MILR1: variants seen among roughly 807,000 people sequenced by gnomAD.
The protein encoded by MILR1 is mast cell immunoglobulin like receptor 1, also known as allergin-1.
MILR1 carries 31 observed loss-of-function variants against 18.5 expected under a neutral mutation model. The observed-to-expected ratio is 1.68, with a 90% CI of 1.26 to 2.26. The LOEUF (loss-of-function observed/expected upper bound fraction) is 2.26, where lower values mean the gene tolerates loss of function less well. Among genes scored for constraint, MILR1 ranks in the 30% most tolerant of loss-of-function variants. The probability of loss-of-function intolerance (pLI) is 0.00; values close to 1 mark genes in which losing one functional copy is unlikely to be tolerated. For synonymous variants in MILR1, 85 were observed against 56.2 expected (o/e 1.51, Z -2.30); for missense variants, 257 against 157.4 (o/e 1.63, Z -3.38).
At chr17:64,465,046 A>G (rs1319828883) in intron 5 of MILR1, among the ~76,000 whole-genome samples, 1 of 152,218 alleles carries the variant, frequency 6.6e-6, no homozygotes, top group East Asian at 1.9e-4. Flanking sequence ...CGAGATCACG[A>G]TAGTGCCACT....
At chr17:64,485,381 C>G in the MILR1 span, 1 of 294,370 alleles carries the variant, frequency 3.4e-6, no homozygotes, top group African/African-American at 2.3e-5. Context: ...GCACAGGTCT[C>G]CCTGATCCGG....
Position 64,468,445 on chromosome 17 carries a change from C to T in MILR1, c.*164C>T, listed in dbSNP as rs1432723840. ...CTGGGATTACAGGTGCCCGCTACCA[C>T]GCCCAGCTAATTTTTGTATTTTTAG... On this transcript the variant is annotated 3_prime_UTR_variant, in exon 10 of 10. Transcript: ENST00000619286. 8.0e-6 allele frequency: 3 copies of T among 374,086 alleles called. No homozygotes were observed. Among genetic ancestry groups the T allele is most frequent in the South Asian group, 2.0e-5 (1 of 48,888 alleles). 23.2% of individuals were successfully genotyped at this position (374,086 alleles called of 1,614,324 possible). A position where few individuals can be genotyped will look rare whatever the true frequency, so the allele number is the denominator to read the frequency against.
intron 4 of MILR1, among the ~76,000 whole-genome samples, chr17:64,458,156 CCCTTCCTTCCTTCCTTCCCT>C (rs2037343344): frequency 6.7e-6 from 1 of 149,374 alleles, no homozygotes; most frequent in Non-Finnish European, 1.5e-5. Context: ...GCCTTTCTTT[CCCTTCCTTCCTTCCTTCCCT>C]CCTTCCTTCC....
At chr17:64,490,876 T>C in the MILR1 span, 1 of 1,613,772 alleles carries the variant, frequency 6.2e-7, no homozygotes, top group South Asian at 1.1e-5. Context: ...ATTAACTCCT[T>C]TCCCCAGGGA....
At chr17:64,474,868 A>G in the MILR1 span, among the ~76,000 whole-genome samples, 1 of 151,880 alleles carries the variant, frequency 6.6e-6, no homozygotes. Context: ...TATTAGAAGG[A>G]AATTATCAAA....
the MILR1 span, chr17:64,478,079 T>G: frequency 1.5e-6 from 2 of 1,344,344 alleles, no homozygotes. Flanking sequence ...GTTCATGCAC[T>G]CTCAAGAGTC....
the MILR1 span, among the ~76,000 whole-genome samples, chr17:64,482,327 C>CTTT: frequency 1.6e-5 from 2 of 128,580 alleles, no homozygotes; most frequent in African/African-American, 5.8e-5. Context: ...AAATTAAAAA[C>CTTT]TTTTTTTTTT....
At chr17:64,478,891 T>C in the MILR1 span, among the ~76,000 whole-genome samples, 1 of 151,956 alleles carries the variant, frequency 6.6e-6, no homozygotes, top group Non-Finnish European at 1.5e-5. Flanking sequence ...CGAGACTCTG[T>C]CTTAAAAAAA....
chr17:64,450,344 T>C (rs1477146759), intron 2 of MILR1, among the ~76,000 whole-genome samples: 2 of 152,186 alleles, frequency 1.3e-5, no homozygotes, highest in Non-Finnish European at 2.9e-5. Context: ...TGGTAAACCA[T>C]CCGTAAGTGA....
At position 64,467,629 on chromosome 17, in the gene MILR1, A is replaced by G; in HGVS notation, c.*12A>G. The G allele has an allele frequency of 6.4e-7, 1 of 1,555,966 alleles. No individual in the cohort carries two copies. The highest frequency in any genetic ancestry group is 8.8e-7 in the Non-Finnish European group (1 of 1,141,236). ...AACTCAACTTCTGAAATTTACAGAA[A>G]CAAACTACATCTCAGGGTAAGATGC... On this transcript the variant is annotated 3_prime_UTR_variant, in exon 9 of 10. Coordinates refer to ENST00000619286, the MANE Select transcript of MILR1 (RefSeq NM_001085423.2).
At chr17:64,449,683 C>T (rs1210145741) in intron 2 of MILR1, among the ~76,000 whole-genome samples, 2 of 152,068 alleles carry the variant, frequency 1.3e-5, no homozygotes, top group East Asian at 3.9e-4. Context: ...GGCCTGTAAT[C>T]GCAGCACTTT....
At chr17:64,486,343 G>T in the MILR1 span, among the ~76,000 whole-genome samples, 30 of 144,888 alleles carry the variant, frequency 2.1e-4, no homozygotes, top group South Asian at 6.5e-4. Flanking sequence ...CTCAGAGTTA[G>T]TATTCAGAAA....
At chr17:64,478,107 G>A in the MILR1 span, 2 of 1,005,820 alleles carry the variant, frequency 2.0e-6, no homozygotes, top group Non-Finnish European at 3.0e-6. Context: ...CAGGGCTTAA[G>A]GGTGGACCAA....
At chr17:64,478,758 G>A in the MILR1 span, among the ~76,000 whole-genome samples, 9 of 152,018 alleles carry the variant, frequency 5.9e-5, no homozygotes, top group Admixed American at 2.0e-4. Context: ...TTAGCTGGGC[G>A]TGGTGGCAGG....
chr17:64,464,202 C>T (rs2037497318), intron 5 of MILR1, among the ~76,000 whole-genome samples: 1 of 145,666 alleles, frequency 6.9e-6, no homozygotes, highest in African/African-American at 2.6e-5. Context: ...TGGCTCACTG[C>T]AGCCTTGACC....
At chr17:64,481,151 A>C in the MILR1 span, 1 of 459,562 alleles carries the variant, frequency 2.2e-6, no homozygotes, top group Non-Finnish European at 2.9e-6. Flanking sequence ...CTCTTAGGAC[A>C]ACCACAAATC....
intron 9 of MILR1, chr17:64,467,959 A>AG: frequency 3.8e-6 from 1 of 265,282 alleles, no homozygotes; most frequent in Non-Finnish European, 7.3e-6. Context: ...AAAAAAAAAA[A>AG]GATATTGATA....
chr17:64,494,899 C>T, the MILR1 span, among the ~76,000 whole-genome samples: 2 of 152,208 alleles, frequency 1.3e-5, no homozygotes, highest in African/African-American at 2.4e-5. Flanking sequence ...GGAGGCCGGG[C>T]GCAGTGGCTC....
downstream of MILR1, among the ~76,000 whole-genome samples, chr17:64,470,525 T>C (rs2037671458): frequency 6.6e-6 from 1 of 152,156 alleles, no homozygotes; most frequent in South Asian, 2.1e-4. Context: ...TCATGTGAGG[T>C]CTTCTAATAA....
Sources: gnomAD v4.1 joint callset for allele counts (sites outside exome capture counted in the v4.1 genomes callset) on GRCh38, gnomAD v4.1.1 for gene constraint, MANE v1.5 for transcripts, NCBI Gene and HGNC (gene_info 2026-07-23, HGNC 2026-07-21) for gene names.